The following GOLGA8B variants were observed in gnomAD, a reference collection of about 807,000 sequenced individuals.
GOLGA8B encodes golgin A8 family member B.
A neutral mutation model predicts 15.6 loss-of-function variants in GOLGA8B; 1 was observed. The ratio of observed to expected loss-of-function variants is 0.06; its 90% CI spans 0.02 to 0.30. The LOEUF (loss-of-function observed/expected upper bound fraction) is 0.30. Ranked by LOEUF, GOLGA8B falls within the 10% of genes least tolerant of loss-of-function variation. The probability of loss-of-function intolerance (pLI) is 1.00; values close to 1 mark genes in which losing one functional copy is unlikely to be tolerated. For synonymous variants in GOLGA8B, 9 were observed against 80.3 expected (o/e 0.11, Z 4.75); for missense variants, 17 against 201.3 (o/e 0.08, Z 5.54).
At chr15:34,580,767 T>C (rs1050504157) in intron 1 of GOLGA8B, among the ~76,000 whole-genome samples, 23 of 151,994 alleles carry the variant, frequency 1.5e-4, no homozygotes, top group Non-Finnish European at 7.4e-5. Context: ...CAAGGGAACA[T>C]TGAGCACCCC....
At chr15:34,581,808 G>A (rs1889243834) in intron 1 of GOLGA8B, among the ~76,000 whole-genome samples, 1 of 152,078 alleles carries the variant, frequency 6.6e-6, no homozygotes, top group Non-Finnish European at 1.5e-5. Flanking sequence ...AGTGGGGACG[G>A]GCACAGACCG....
At position 34,526,114 on chromosome 15, in the gene GOLGA8B, T is replaced by TCA. The variant is rs1249719184; in HGVS notation, c.*1517_*1518insTG. The TCA allele has an allele frequency of 6.7e-6, 1 of 150,022 alleles. No individual in the cohort carries two copies. The highest frequency in any genetic ancestry group is 1.5e-5 in the Non-Finnish European group (1 of 67,278). The allele number at this position is 150,022 out of a possible 1,614,324, so 9.3% of individuals were successfully genotyped here. On this transcript the variant is annotated 3_prime_UTR_variant, in exon 24 of 24. Coordinates refer to ENST00000683415, the MANE Select transcript of GOLGA8B (RefSeq NM_001023567.5). ...ATATTGCACAAAATATGTCCCTGACTGAAACTGAGAGGTACAAAAACATAT... is the reference window on the plus strand; with the variant it reads ...ATATTGCACAAAATATGTCCCTGACTCAGAAACTGAGAGGTACAAAAACATAT...
At chr15:34,575,019 C>T (rs1476703590) in intron 1 of GOLGA8B, 1 of 151,740 alleles carries the variant, frequency 6.6e-6, no homozygotes, top group Admixed American at 6.6e-5. Flanking sequence ...GCAGAGGCAT[C>T]TGCAGCCCAT....
At chr15:34,559,351 C>A (rs1374277711) in intron 1 of GOLGA8B, among the ~76,000 whole-genome samples, 1 of 146,052 alleles carries the variant, frequency 6.8e-6, no homozygotes, top group Non-Finnish European at 1.5e-5. Context: ...GACGGCACAA[C>A]AGTGTGAATG....
chr15:34,577,283 C>A (rs1686923250), intron 1 of GOLGA8B, among the ~76,000 whole-genome samples: 1 of 152,070 alleles, frequency 6.6e-6, no homozygotes, highest in Non-Finnish European at 1.5e-5. Context: ...TCCATCATCC[C>A]TAAATGCATG....
intron 1 of GOLGA8B, among the ~76,000 whole-genome samples, chr15:34,577,047 C>G (rs1319217738): frequency 1.3e-5 from 2 of 150,338 alleles, no homozygotes; most frequent in Admixed American, 1.3e-4. Context: ...CAGTGACGCT[C>G]TACAGCTGGC....
At chr15:34,580,492 G>T (rs200053488) in intron 1 of GOLGA8B, among the ~76,000 whole-genome samples, 3 of 116,356 alleles carry the variant, frequency 2.6e-5, no homozygotes, top group Admixed American at 9.0e-5. Context: ...CAGGGTTCCA[G>T]AGAGAGCCTG....
At chr15:34,569,486 G>A (rs1290240420) in intron 1 of GOLGA8B, among the ~76,000 whole-genome samples, 6 of 151,192 alleles carry the variant, frequency 4.0e-5, no homozygotes, top group South Asian at 2.1e-4. Context: ...GCCACATCAC[G>A]CCACCCTGCA....
rs548941131 is a variant in GOLGA8B at position 34,559,276 on chromosome 15, G to C, written c.-1122-5320C>G. Among the ~76,000 whole-genome samples, 175 of 147,670 alleles carry C rather than the reference G, an allele frequency of 1.2e-3. 7 individuals carry two copies. Among genetic ancestry groups the C allele is most frequent in the African/African-American group, 4.2e-3 (168 of 39,580 alleles). Reference sequence around the variant, plus strand: ...GGAGAGAGCAGGGAGTGGGGAGCTGGTGTTTAATGGGTGCAGAGGTTCTGT... The same window carrying C: ...GGAGAGAGCAGGGAGTGGGGAGCTGCTGTTTAATGGGTGCAGAGGTTCTGT... On this transcript the variant is annotated intron_variant, in intron 1 of 23. Transcript: ENST00000683415.
intron 1 of GOLGA8B, among the ~76,000 whole-genome samples, chr15:34,582,448 T>G (rs573075227): frequency 6.6e-6 from 1 of 152,234 alleles, no homozygotes; most frequent in African/African-American, 2.4e-5. Flanking sequence ...AGAGGCAGTT[T>G]AGCCCAAAAA....
At chr15:34,577,177 A>G (rs2140355846) in intron 1 of GOLGA8B, among the ~76,000 whole-genome samples, 1 of 152,224 alleles carries the variant, frequency 6.6e-6, no homozygotes, top group East Asian at 1.9e-4. Flanking sequence ...CAGATGCTAG[A>G]GCACATGGCT....
intron 1 of GOLGA8B, among the ~76,000 whole-genome samples, chr15:34,579,166 C>T (rs1210985806): frequency 6.6e-6 from 1 of 152,030 alleles, no homozygotes; most frequent in Non-Finnish European, 1.5e-5. Flanking sequence ...GTGGCAGGGC[C>T]AGGCTGGAAC....
rs1894425613 is a variant in GOLGA8B at position 34,525,651 on chromosome 15, T to A, written c.*1981A>T. 1 of 149,916 alleles carries A rather than the reference T, an allele frequency of 6.7e-6. No individual in the cohort carries two copies. The highest frequency in any genetic ancestry group is 2.1e-4 in the South Asian group (1 of 4,658). The allele number at this position is 149,916 out of a possible 1,614,324, so 9.3% of individuals were successfully genotyped here. A position where few individuals can be genotyped will look rare whatever the true frequency, so the allele number is the denominator to read the frequency against. ...AGAAATCATACCACTATTAGCCACATTATTTGGTCTAATATTTTTTCTTTA... is the reference window on the plus strand; with the variant it reads ...AGAAATCATACCACTATTAGCCACAATATTTGGTCTAATATTTTTTCTTTA... On this transcript the variant is annotated 3_prime_UTR_variant, in exon 24 of 24. Coordinates refer to ENST00000683415, the MANE Select transcript of GOLGA8B (RefSeq NM_001023567.5).
intron 1 of GOLGA8B, among the ~76,000 whole-genome samples, chr15:34,580,783 C>T (rs1329118987): frequency 2.0e-5 from 3 of 152,162 alleles, no homozygotes; most frequent in Non-Finnish European, 4.4e-5. Flanking sequence ...ACCCCCAGCC[C>T]CTGCCAGGCA....
At chr15:34,583,029 G>T (rs1423748804) in intron 1 of GOLGA8B, among the ~76,000 whole-genome samples, 4 of 152,196 alleles carry the variant, frequency 2.6e-5, no homozygotes, top group African/African-American at 9.6e-5. Context: ...AAGGGGCGAA[G>T]ATCCGGGCTC....
chr15:34,579,490 G>A (rs1889171458), intron 1 of GOLGA8B, among the ~76,000 whole-genome samples: 1 of 152,168 alleles, frequency 6.6e-6, no homozygotes, highest in Non-Finnish European at 1.5e-5. Context: ...GGGACCACCT[G>A]GGTGCAGAGA....
intron 1 of GOLGA8B, among the ~76,000 whole-genome samples, chr15:34,578,728 C>T (rs901380477): frequency 1.3e-5 from 2 of 152,190 alleles, no homozygotes; most frequent in African/African-American, 4.8e-5. Flanking sequence ...AGTGGTTTCG[C>T]CATGAAAACC....
intron 1 of GOLGA8B, among the ~76,000 whole-genome samples, chr15:34,573,361 A>T (rs1241023868): frequency 6.6e-6 from 1 of 151,982 alleles, no homozygotes; most frequent in African/African-American, 2.4e-5. Flanking sequence ...ACACGGTGAA[A>T]TCTCGTCTGT....
intron 1 of GOLGA8B, among the ~76,000 whole-genome samples, chr15:34,578,142 G>C (rs1319972771): frequency 6.6e-6 from 1 of 152,152 alleles, no homozygotes; most frequent in Non-Finnish European, 1.5e-5. Context: ...AACTGTCTTT[G>C]CCTGAGAGTT....
Sources: gnomAD v4.1 joint callset for allele counts (sites outside exome capture counted in the v4.1 genomes callset) on GRCh38, gnomAD v4.1.1 for gene constraint, MANE v1.5 for transcripts, NCBI Gene and HGNC (gene_info 2026-07-23, HGNC 2026-07-21) for gene names.